The following PALM2AKAP2 variants were observed in gnomAD, a reference collection of about 807,000 sequenced individuals.
The protein encoded by PALM2AKAP2 is PALM2-AKAP2 fusion protein.
In PALM2AKAP2, 37 loss-of-function variants were observed where a neutral mutation model predicts 71.5. The ratio of observed to expected loss-of-function variants is 0.52; its 90% CI spans 0.40 to 0.68. The LOEUF is 0.68. PALM2AKAP2 is among the 30% of genes least tolerant of loss of function. PALM2AKAP2 has a pLI of 0.00. For missense variants in PALM2AKAP2, 1,224 were observed against 1,191.8 expected (o/e 1.03, Z -0.40); for synonymous variants, 468 against 478.8 (o/e 0.98, Z 0.29).
intron 1 of PALM2AKAP2, among the ~76,000 whole-genome samples, chr9:110,118,494 C>T (rs1299324157): frequency 2.0e-5 from 3 of 152,086 alleles, no homozygotes; most frequent in East Asian, 1.9e-4. Context: ...GTGATCTGCT[C>T]GCCTCGGCCT....
intron 1 of PALM2AKAP2, among the ~76,000 whole-genome samples, chr9:109,865,096 C>CTTTTTTT (rs58922983): frequency 0.082 from 6,184 of 75,164 alleles, 1,606 homozygotes; most frequent in African/African-American, 0.24. Flanking sequence ...CTACTCATTC[C>CTTTTTTT]TTTTTTTTTT....
chr9:109,840,977 G>C (rs1397947622), intron 1 of PALM2AKAP2, among the ~76,000 whole-genome samples: 1 of 152,196 alleles, frequency 6.6e-6, no homozygotes, highest in Non-Finnish European at 1.5e-5. Flanking sequence ...CAGGGATCTA[G>C]AACTAGAAAT....
chr9:109,963,212 T>C (rs758541966), intron 6 of PALM2AKAP2, among the ~76,000 whole-genome samples: 1 of 152,178 alleles, frequency 6.6e-6, no homozygotes, highest in Non-Finnish European at 1.5e-5. Context: ...AAGCTTGGGC[T>C]GGTTGTCTGA....
At chr9:110,148,050 T>C (rs566481157) in intron 2 of PALM2AKAP2, among the ~76,000 whole-genome samples, 3 of 152,170 alleles carry the variant, frequency 2.0e-5, no homozygotes, top group Non-Finnish European at 2.9e-5. Context: ...TGTATTACCA[T>C]AAAAATGTTT....
intron 3 of PALM2AKAP2, 48 bp from the exon 4 acceptor site, chr9:109,923,687 G>A: frequency 6.5e-7 from 1 of 1,528,308 alleles, no homozygotes; most frequent in South Asian, 1.3e-5. Flanking sequence ...CTTGCCCGTG[G>A]ATGGCAGGAC....
At chr9:109,953,858 AAAG>A (rs1831693841) in intron 6 of PALM2AKAP2, among the ~76,000 whole-genome samples, 1 of 151,468 alleles carries the variant, frequency 6.6e-6, no homozygotes, top group African/African-American at 2.4e-5. Flanking sequence ...AAAAAAAAGA[AAAG>A]AAAGTAGTGT....
intron 3 of PALM2AKAP2, among the ~76,000 whole-genome samples, chr9:110,164,886 G>A (rs1056850327): frequency 6.6e-6 from 1 of 152,076 alleles, no homozygotes; most frequent in African/African-American, 2.4e-5. Flanking sequence ...TTTCCATGGG[G>A]AGTGTTGATT....
At chr9:109,695,677 T>C (rs1299691652) in intron 1 of PALM2AKAP2, among the ~76,000 whole-genome samples, 4 of 152,162 alleles carry the variant, frequency 2.6e-5, no homozygotes, top group Non-Finnish European at 4.4e-5. Context: ...ATGGACGCAA[T>C]GGAATGTTAT....
chr9:110,060,847 G>GCCT (rs1382291614), intron 1 of PALM2AKAP2, among the ~76,000 whole-genome samples: 9 of 151,720 alleles, frequency 5.9e-5, no homozygotes, highest in African/African-American at 2.2e-4. Flanking sequence ...TGATCCACCC[G>GCCT]CCTCAGCCTC....
intron 1 of PALM2AKAP2, among the ~76,000 whole-genome samples, chr9:109,810,324 G>A (rs1827694715): frequency 1.3e-5 from 2 of 152,202 alleles, no homozygotes; most frequent in African/African-American, 2.4e-5. Flanking sequence ...TGTTACAGGA[G>A]ATGGTGAGGC....
chr9:110,028,737 T>TTTAATG (rs1341175645), intron 7 of PALM2AKAP2, among the ~76,000 whole-genome samples: 1 of 152,150 alleles, frequency 6.6e-6, no homozygotes, highest in Non-Finnish European at 1.5e-5. Flanking sequence ...GATGTCCAGT[T>TTTAATG]CGATTTGAAT....
intron 1 of PALM2AKAP2, among the ~76,000 whole-genome samples, chr9:110,101,386 G>A (rs950706544): frequency 1.4e-5 from 2 of 146,940 alleles, no homozygotes; most frequent in Non-Finnish European, 3.0e-5. Flanking sequence ...ACCTTTGCTG[G>A]GAGTTAATCT....
chr9:109,651,597 C>T (rs913469618), intron 1 of PALM2AKAP2, among the ~76,000 whole-genome samples: 1 of 152,148 alleles, frequency 6.6e-6, no homozygotes, highest in African/African-American at 2.4e-5. Context: ...TTCTTATTGC[C>T]GGGATGGAAT....
Position 110,099,414 on chromosome 9 carries a change from T to A in PALM2AKAP2, c.157-36713T>A, listed in dbSNP as rs183316210. 2.6e-5 allele frequency among the ~76,000 whole-genome samples: 4 copies of A among 152,270 alleles called. No homozygotes were observed. The East Asian group carries it at 7.7e-4, about 29-fold the overall frequency. On this transcript the variant is annotated intron_variant, in intron 1 of 3. Transcript: ENST00000374525. ...CAGTGAAATTGCTATCAGGAAAAAA[T>A]GACTCAAGTTTCCAGGCAGCTATGA... is the stretch of plus-strand genomic sequence containing the variant.
intron 1 of PALM2AKAP2, among the ~76,000 whole-genome samples, chr9:109,805,434 T>C (rs1048645957): frequency 7.2e-5 from 11 of 152,078 alleles, no homozygotes; most frequent in African/African-American, 2.7e-4. Flanking sequence ...CAGTTGATTT[T>C]TTTCCCCGAA....
chr9:109,829,201 C>G (rs1007801189), intron 1 of PALM2AKAP2, among the ~76,000 whole-genome samples: 1 of 152,196 alleles, frequency 6.6e-6, no homozygotes, highest in South Asian at 2.1e-4. Context: ...CTCCCTGAGA[C>G]GCTCACCTCA....
At chr9:109,979,043 G>A (rs1411778948) in intron 6 of PALM2AKAP2, among the ~76,000 whole-genome samples, 1 of 151,534 alleles carries the variant, frequency 6.6e-6, no homozygotes, top group Non-Finnish European at 1.5e-5. Context: ...GGGCTGGAGT[G>A]CAGTGGTGCA....
intron 3 of PALM2AKAP2, among the ~76,000 whole-genome samples, chr9:109,907,892 G>A (rs1159733981): frequency 2.6e-5 from 4 of 152,154 alleles, no homozygotes; most frequent in South Asian, 2.1e-4. Flanking sequence ...ACCCCATGCC[G>A]ACCTCCTTCC....
chr9:109,820,540 G>A (rs1351609418), intron 1 of PALM2AKAP2, among the ~76,000 whole-genome samples: 1 of 152,226 alleles, frequency 6.6e-6, no homozygotes, highest in Non-Finnish European at 1.5e-5. Context: ...GAGTTTCTTG[G>A]AACCTTAAAA....
Sources: allele counts gnomAD v4.1 joint callset (sites outside exome capture counted in the v4.1 genomes callset), GRCh38; gene constraint gnomAD v4.1.1; transcripts MANE v1.5; gene names NCBI Gene and HGNC (gene_info 2026-07-23, HGNC 2026-07-21).